SAMMSON: variants seen among roughly 807,000 people sequenced by gnomAD.
SAMMSON encodes long intergenic non-protein coding RNA 1212.
chr3:70,385,669 G>A (rs1275775088), intron 9 of SAMMSON, among the ~76,000 whole-genome samples: 1 of 151,984 alleles, frequency 6.6e-6, no homozygotes, highest in African/African-American at 2.4e-5. Context: ...TTGACTAACG[G>A]CATGACCTAC....
intron 4 of SAMMSON, among the ~76,000 whole-genome samples, chr3:70,099,005 A>G (rs2106652791): frequency 6.6e-6 from 1 of 152,222 alleles, no homozygotes; most frequent in Non-Finnish European, 1.5e-5. Context: ...TCTCTATGTC[A>G]CTTAATTTTA....
chr3:70,141,262 G>T (rs2067526515), intron 4 of SAMMSON, among the ~76,000 whole-genome samples: 1 of 152,158 alleles, frequency 6.6e-6, no homozygotes, highest in Admixed American at 6.6e-5. Context: ...GAAGTCCCAT[G>T]ACCTGCCGTC....
At chr3:70,168,252 C>T (rs1227101652) in intron 4 of SAMMSON, among the ~76,000 whole-genome samples, 2 of 151,818 alleles carry the variant, frequency 1.3e-5, no homozygotes, top group Non-Finnish European at 2.9e-5. Flanking sequence ...CTGCCTTCTT[C>T]TAGCTGTTGT....
intron 1 of SAMMSON, among the ~76,000 whole-genome samples, chr3:70,010,944 G>T (rs1011498802): frequency 8.6e-5 from 13 of 152,044 alleles, no homozygotes; most frequent in African/African-American, 3.1e-4. Context: ...TGATGCTGTT[G>T]CCTGGTTCCA....
intron 6 of SAMMSON, among the ~76,000 whole-genome samples, chr3:70,275,337 C>T (rs1468812035): frequency 6.6e-6 from 1 of 151,902 alleles, no homozygotes; most frequent in African/African-American, 2.4e-5. Context: ...AGTAAGACCT[C>T]GTCTCTACAA....
At chr3:70,072,646 G>GAAAAAAAAAAAAAAAAAAAAAGAAAAA (rs35807309) in intron 4 of SAMMSON, 3 of 87,684 alleles carry the variant, frequency 3.4e-5, no homozygotes, top group Admixed American at 1.2e-4. Flanking sequence ...AACAGCAAAG[G>GAAAAAAAAAAAAAAAAAAAAAGAAAAA]AAAAAAAAAA....
chr3:70,135,732 G>A (rs923844476), intron 4 of SAMMSON, among the ~76,000 whole-genome samples: 5 of 151,974 alleles, frequency 3.3e-5, no homozygotes, highest in Non-Finnish European at 7.4e-5. Flanking sequence ...TATTCTATAT[G>A]TTATGTAATA....
At position 70,422,265 on chromosome 3, in the gene SAMMSON, C is replaced by A. The variant is rs186669574; in HGVS notation, n.234-40295C>A. Among the ~76,000 whole-genome samples, 545 of 152,086 alleles carry A rather than the reference C, an allele frequency of 3.6e-3. 3 individuals are homozygous for A. Among genetic ancestry groups the A allele is most frequent in the African/African-American group, 0.012 (514 of 41,510 alleles). ...AAGTCTGTTTTACTCCATAACTCCC[C>A]CACCAACTTCACCTTCACCTCTAAC... is the stretch of plus-strand genomic sequence containing the variant. On this transcript the variant is annotated intron_variant and non_coding_transcript_variant, in intron 2 of 3. Coordinates refer to the SAMMSON transcript ENST00000641053.
chr3:70,416,175 G>T (rs920252878), intron 2 of SAMMSON, among the ~76,000 whole-genome samples: 3 of 152,020 alleles, frequency 2.0e-5, no homozygotes, highest in African/African-American at 7.2e-5. Flanking sequence ...CTCAGTTCGT[G>T]GTCAAACTTG....
intron 3 of SAMMSON, among the ~76,000 whole-genome samples, chr3:70,029,249 T>TA (rs11369931): frequency 0.56 from 84,850 of 151,810 alleles, 25,495 homozygotes; most frequent in African/African-American, 0.77. Context: ...ATAATAAGAG[T>TA]AATTCTCTCC....
At chr3:70,209,808 T>C (rs1701325571) in intron 4 of SAMMSON, among the ~76,000 whole-genome samples, 1 of 152,124 alleles carries the variant, frequency 6.6e-6, no homozygotes, top group Admixed American at 6.6e-5. Flanking sequence ...AATCGAGCCT[T>C]GCAAATAGCT....
chr3:70,114,561 A>G (rs2067402393), intron 4 of SAMMSON, among the ~76,000 whole-genome samples: 1 of 152,222 alleles, frequency 6.6e-6, no homozygotes, highest in Non-Finnish European at 1.5e-5. Flanking sequence ...GGTAGAAATC[A>G]TTTAGTTTTA....
In SAMMSON at chr3:70,184,682, T is replaced by A. The variant is rs562418081; in HGVS notation, n.508-64425T>A. 2.0e-5 allele frequency among the ~76,000 whole-genome samples: 3 copies of A among 152,290 alleles called. No homozygotes were observed. In the South Asian group the frequency reaches 6.2e-4, roughly 32 times the overall value. On this transcript the variant is annotated intron_variant and non_coding_transcript_variant, in intron 4 of 9. Coordinates refer to ENST00000642114, the Ensembl canonical transcript of SAMMSON. ...GAAGAGATTAAAGCAGTAAGGTAAA[T>A]CAGAACAGAAATTTGGAGTCTCAGT...
At chr3:70,019,988 A>G (rs1212089912) in intron 3 of SAMMSON, among the ~76,000 whole-genome samples, 1 of 152,166 alleles carries the variant, frequency 6.6e-6, no homozygotes, top group African/African-American at 2.4e-5. Context: ...CAAGTCCAGA[A>G]TCCAGAAGCT....
intron 3 of SAMMSON, among the ~76,000 whole-genome samples, chr3:70,038,259 G>A (rs1046919818): frequency 1.4e-4 from 22 of 152,048 alleles, no homozygotes; most frequent in African/African-American, 3.9e-4. Context: ...CTTTGTTGTG[G>A]GTGAGTTCTC....
intron 3 of SAMMSON, among the ~76,000 whole-genome samples, chr3:70,060,015 A>G (rs141606720): frequency 4.0e-4 from 61 of 152,264 alleles, no homozygotes; most frequent in African/African-American, 1.4e-3. Flanking sequence ...TGTAGAATGT[A>G]TGAAAAAAGA....
At chr3:70,274,242 CAGTT>C (rs761068015) in intron 6 of SAMMSON, among the ~76,000 whole-genome samples, 36 of 151,978 alleles carry the variant, frequency 2.4e-4, no homozygotes, top group Admixed American at 3.9e-4. Context: ...TTAATACTCT[CAGTT>C]AGTTCAACCA....
At chr3:70,381,155 A>G (rs988561890) in intron 9 of SAMMSON, among the ~76,000 whole-genome samples, 4 of 152,160 alleles carry the variant, frequency 2.6e-5, no homozygotes, top group African/African-American at 9.7e-5. Context: ...TCATAGCCCA[A>G]TGCAGTTGTG....
At chr3:70,325,154 C>T (rs1702569313) in intron 7 of SAMMSON, among the ~76,000 whole-genome samples, 1 of 152,046 alleles carries the variant, frequency 6.6e-6, no homozygotes, top group African/African-American at 2.4e-5. Context: ...GTGATGCAAG[C>T]AGTGATTCTC....
Sources: gnomAD v4.1 joint callset for allele counts (sites outside exome capture counted in the v4.1 genomes callset) on GRCh38, gnomAD v4.1.1 for gene constraint, MANE v1.5 for transcripts, NCBI Gene and HGNC (gene_info 2026-07-23, HGNC 2026-07-21) for gene names.